The following BCKDHB variants were observed in gnomAD, a reference collection of about 807,000 sequenced individuals.
BCKDHB encodes the protein branched chain keto acid dehydrogenase E1 subunit beta.
Under a neutral mutation model 48.5 loss-of-function variants are expected in BCKDHB, and 41 were observed. The ratio of observed to expected loss-of-function variants is 0.85; its 90% CI spans 0.66 to 1.10. The LOEUF is 1.10. BCKDHB is among the 50% of genes least tolerant of loss of function. The probability of loss-of-function intolerance (pLI) is 0.00; values close to 1 mark genes in which losing one functional copy is unlikely to be tolerated. For missense variants in BCKDHB, 496 were observed against 494.2 expected (o/e 1.00, Z -0.03); for synonymous variants, 201 against 174.8 (o/e 1.15, Z -1.18).
chr6:80,204,823 G>A (rs957050191), intron 8 of BCKDHB, among the ~76,000 whole-genome samples: 103 of 152,112 alleles, frequency 6.8e-4, no homozygotes, highest in African/African-American at 2.3e-3. Flanking sequence ...TATTTACATC[G>A]ATAGCAGTTT....
At chr6:80,400,461 A>G in the BCKDHB span, among the ~76,000 whole-genome samples, 4 of 152,120 alleles carry the variant, frequency 2.6e-5, no homozygotes, top group African/African-American at 9.6e-5. Context: ...CCAAAAAATC[A>G]TATAAAAATG....
At chr6:80,452,660 G>A in the BCKDHB span, among the ~76,000 whole-genome samples, 1 of 152,080 alleles carries the variant, frequency 6.6e-6, no homozygotes, top group African/African-American at 2.4e-5. Context: ...AAATTTAATT[G>A]CTCTTAATTT....
At chr6:80,184,874 C>T (rs1773571909) in intron 6 of BCKDHB, among the ~76,000 whole-genome samples, 1 of 152,096 alleles carries the variant, frequency 6.6e-6, no homozygotes. Flanking sequence ...AAGATTCTTT[C>T]CTTTGTCTTG....
intron 9 of BCKDHB, among the ~76,000 whole-genome samples, chr6:80,340,781 G>A (rs1436608563): frequency 6.6e-6 from 1 of 151,984 alleles, no homozygotes; most frequent in East Asian, 1.9e-4. Flanking sequence ...TTCTGTGTGT[G>A]TGTGTGTGTT....
chr6:80,201,673 C>CT (rs1463553657), intron 7 of BCKDHB, among the ~76,000 whole-genome samples: 1 of 152,076 alleles, frequency 6.6e-6, no homozygotes, highest in African/African-American at 2.4e-5. Flanking sequence ...CCATATCTTC[C>CT]TTTTTTTCCA....
chr6:80,174,923 A>G (rs1773080841), intron 6 of BCKDHB, among the ~76,000 whole-genome samples: 1 of 152,248 alleles, frequency 6.6e-6, no homozygotes, highest in Non-Finnish European at 1.5e-5. Context: ...ATGGAATGGT[A>G]TCTTAAACAC....
the BCKDHB span, among the ~76,000 whole-genome samples, chr6:80,401,969 C>T: frequency 6.6e-6 from 1 of 151,738 alleles, no homozygotes; most frequent in East Asian, 1.9e-4. Flanking sequence ...ATTGTGTCTA[C>T]ATATTGTATA....
chr6:80,111,653 G>A (rs572692221), intron 1 of BCKDHB, among the ~76,000 whole-genome samples: 1 of 152,214 alleles, frequency 6.6e-6, no homozygotes, highest in South Asian at 2.1e-4. Context: ...AACACATGAT[G>A]ACTTGTTGGA....
intron 9 of BCKDHB, among the ~76,000 whole-genome samples, chr6:80,327,923 C>G (rs1192742062): frequency 7.3e-6 from 1 of 137,236 alleles, no homozygotes; most frequent in Non-Finnish European, 1.6e-5. Flanking sequence ...CTTCTCCCCT[C>G]CCCTCCCTCC....
At chr6:80,314,614 A>G (rs973597143) in intron 9 of BCKDHB, among the ~76,000 whole-genome samples, 7 of 152,206 alleles carry the variant, frequency 4.6e-5, no homozygotes, top group African/African-American at 1.7e-4. Context: ...CAATGCCTCA[A>G]CAAAACAGCT....
intron 8 of BCKDHB, among the ~76,000 whole-genome samples, chr6:80,266,024 T>G (rs604732): frequency 0.9 from 137,100 of 152,080 alleles, 61,838 homozygotes; most frequent in Middle Eastern, 0.96. Context: ...CAAAGAAAAA[T>G]CCTGGAAGAG....
At chr6:80,259,521 A>T (rs1309414595) in intron 8 of BCKDHB, among the ~76,000 whole-genome samples, 1 of 152,202 alleles carries the variant, frequency 6.6e-6, no homozygotes, top group Non-Finnish European at 1.5e-5. Context: ...AAAAGGGTGC[A>T]TTTATAAATA....
chr6:80,261,363 G>A (rs1036714087), intron 8 of BCKDHB, among the ~76,000 whole-genome samples: 2 of 152,014 alleles, frequency 1.3e-5, no homozygotes, highest in Non-Finnish European at 2.9e-5. Flanking sequence ...AGACAACCAG[G>A]GGAAAGCATC....
At chr6:80,120,626 T>A (rs1477875316) in intron 1 of BCKDHB, among the ~76,000 whole-genome samples, 1 of 152,218 alleles carries the variant, frequency 6.6e-6, no homozygotes, top group Non-Finnish European at 1.5e-5. Flanking sequence ...TGATAAGCAT[T>A]TTCTCATGTG....
At chr6:80,126,138 C>T (rs536298810) in intron 1 of BCKDHB, among the ~76,000 whole-genome samples, 80 of 152,090 alleles carry the variant, frequency 5.3e-4, no homozygotes, top group African/African-American at 1.9e-3. Flanking sequence ...TTATCTCCAC[C>T]AAATATAAGA....
chr6:80,316,085 A>G (rs932792110), intron 9 of BCKDHB, among the ~76,000 whole-genome samples: 10 of 152,200 alleles, frequency 6.6e-5, no homozygotes, highest in Admixed American at 5.2e-4. Flanking sequence ...CTAAGGTTTC[A>G]TTCCTATGCT....
chr6:80,350,612 A>G (rs1770365779), downstream of BCKDHB, among the ~76,000 whole-genome samples: 1 of 152,186 alleles, frequency 6.6e-6, no homozygotes, highest in Admixed American at 6.5e-5. Flanking sequence ...AGGATATTTT[A>G]TTCCACCATT....
intron 8 of BCKDHB, among the ~76,000 whole-genome samples, chr6:80,248,880 G>A (rs1270660548): frequency 6.9e-6 from 1 of 145,076 alleles, no homozygotes; most frequent in Non-Finnish European, 1.5e-5. Flanking sequence ...TACCCTGGTT[G>A]GAAGTTTGTG....
At chr6:80,190,077 T>C (rs993631005) in intron 6 of BCKDHB, among the ~76,000 whole-genome samples, 59 of 152,284 alleles carry the variant, frequency 3.9e-4, no homozygotes, top group African/African-American at 1.3e-3. Context: ...TATATAGTAA[T>C]GCACTGAGGC....
Sources: allele counts gnomAD v4.1 joint callset (sites outside exome capture counted in the v4.1 genomes callset), GRCh38; gene constraint gnomAD v4.1.1; transcripts MANE v1.5; gene names NCBI Gene and HGNC (gene_info 2026-07-23, HGNC 2026-07-21).